CTNNA2: variants seen among roughly 807,000 people sequenced by gnomAD.
CTNNA2 encodes catenin alpha-2.
Under a neutral mutation model 101.0 loss-of-function variants are expected in CTNNA2, and 42 were observed. That is an observed-to-expected ratio of 0.42 (90% CI 0.32 to 0.54). The LOEUF (loss-of-function observed/expected upper bound fraction) is 0.54. Among genes scored for constraint, CTNNA2 ranks in the 20% least tolerant of loss-of-function variants. The probability of loss-of-function intolerance (pLI) is 0.14; values close to 1 mark genes in which losing one functional copy is unlikely to be tolerated. For missense variants in CTNNA2, 871 were observed against 1,223.1 expected (o/e 0.71, Z 4.29); for synonymous variants, 450 against 456.4 (o/e 0.99, Z 0.18).
intron 2 of CTNNA2, among the ~76,000 whole-genome samples, chr2:79,255,807 A>T (rs1674837513): frequency 2.6e-5 from 4 of 152,208 alleles, no homozygotes; most frequent in Admixed American, 2.6e-4. Context: ...GACAATTGAT[A>T]ACGTTCACAT....
In CTNNA2 at chr2:80,455,215, GAT is replaced by G. The variant is rs1267132874; in HGVS notation, c.1290+35618_1290+35619del. 3.3e-5 allele frequency among the ~76,000 whole-genome samples: 5 copies of G among 152,358 alleles called. No individual in the cohort carries two copies. The East Asian group carries it at 9.7e-4, about 29-fold the overall frequency. ...ATAAATGAAATTTTTAAAGTGCCATGATATAGTCAGTAGGCCTATGTCAAGAA... is the reference window on the plus strand; with the variant it reads ...ATAAATGAAATTTTTAAAGTGCCATGATAGTCAGTAGGCCTATGTCAAGAA... On this transcript the variant is annotated intron_variant, in intron 9 of 18. Transcript: ENST00000402739.
intron 16 of CTNNA2, among the ~76,000 whole-genome samples, chr2:80,604,715 G>A (rs1262899366): frequency 6.6e-6 from 1 of 151,976 alleles, no homozygotes; most frequent in East Asian, 1.9e-4. Context: ...GAATAAAGGA[G>A]AGAAAAGAGC....
chr2:80,440,822 C>A (rs1682494424), intron 9 of CTNNA2, among the ~76,000 whole-genome samples: 2 of 152,114 alleles, frequency 1.3e-5, no homozygotes, highest in African/African-American at 4.8e-5. Context: ...GTAAGTGGGG[C>A]AGAATAGACT....
At chr2:79,979,315 T>C (rs1397329194) in intron 7 of CTNNA2, among the ~76,000 whole-genome samples, 1 of 152,062 alleles carries the variant, frequency 6.6e-6, no homozygotes, top group Non-Finnish European at 1.5e-5. Context: ...CCCAGGAGTT[T>C]GAGGTTAGAG....
At chr2:80,162,529 C>T in intron 7 of CTNNA2, 2 of 1,603,336 alleles carry the variant, frequency 1.2e-6, no homozygotes, top group East Asian at 2.2e-5. Flanking sequence ...CATCATGATT[C>T]CTATCTTCAT....
At chr2:79,434,092 G>A (rs147674523) in intron 4 of CTNNA2, among the ~76,000 whole-genome samples, 17 of 152,060 alleles carry the variant, frequency 1.1e-4, no homozygotes, top group African/African-American at 4.1e-4. Flanking sequence ...CCAGGATTTC[G>A]AGACCAGCCT....
chr2:80,614,735 T>G (rs1698713259), intron 17 of CTNNA2, among the ~76,000 whole-genome samples: 1 of 151,470 alleles, frequency 6.6e-6, no homozygotes, highest in Non-Finnish European at 1.5e-5. Context: ...GAGAAGTGTC[T>G]TAAAAGCTAC....
intron 17 of CTNNA2, among the ~76,000 whole-genome samples, chr2:80,611,605 T>G (rs1698471758): frequency 6.6e-6 from 1 of 151,588 alleles, no homozygotes; most frequent in Non-Finnish European, 1.5e-5. Flanking sequence ...ATCAGCACCT[T>G]TAAAGTTAAA....
At chr2:79,986,366 C>A (rs1205975061) in intron 7 of CTNNA2, among the ~76,000 whole-genome samples, 1 of 152,162 alleles carries the variant, frequency 6.6e-6, no homozygotes, top group African/African-American at 2.4e-5. Context: ...ACTGCAAACT[C>A]TTGGCCCTAC....
chr2:80,123,529 T>C (rs1387141745), intron 7 of CTNNA2, among the ~76,000 whole-genome samples: 1 of 152,164 alleles, frequency 6.6e-6, no homozygotes, highest in Non-Finnish European at 1.5e-5. Flanking sequence ...ACAGGAATTT[T>C]CCAGAAACTG....
chr2:80,165,447 T>C (rs1704619040), intron 7 of CTNNA2, among the ~76,000 whole-genome samples: 1 of 152,204 alleles, frequency 6.6e-6, no homozygotes, highest in South Asian at 2.1e-4. Context: ...CTTCTACTTC[T>C]TTGTTGAAAT....
At chr2:80,422,423 C>T (rs1001896016) in intron 9 of CTNNA2, among the ~76,000 whole-genome samples, 1 of 131,298 alleles carries the variant, frequency 7.6e-6, no homozygotes, top group African/African-American at 2.9e-5. Context: ...TTCTTCTTTC[C>T]CAATACTTAT....
intron 2 of CTNNA2, among the ~76,000 whole-genome samples, chr2:79,256,921 TATG>T (rs1318960608): frequency 6.6e-6 from 1 of 150,800 alleles, no homozygotes; most frequent in Non-Finnish European, 1.5e-5. Flanking sequence ...TGTTAGTTGA[TATG>T]ATATTATTTT....
At chr2:79,607,648 A>G (rs1462009886) in intron 1 of CTNNA2, among the ~76,000 whole-genome samples, 3 of 152,104 alleles carry the variant, frequency 2.0e-5, no homozygotes, top group Non-Finnish European at 4.4e-5. Flanking sequence ...TTGGGTGGCA[A>G]ATAATATATT....
At chr2:79,300,443 AAAG>A (rs1676081830) in intron 2 of CTNNA2, among the ~76,000 whole-genome samples, 1 of 152,208 alleles carries the variant, frequency 6.6e-6, no homozygotes, top group African/African-American at 2.4e-5. Context: ...CAGAGACCCT[AAAG>A]AAGAAGTTAC....
intron 3 of CTNNA2, among the ~76,000 whole-genome samples, chr2:79,329,352 G>C (rs868233253): frequency 6.6e-6 from 1 of 152,114 alleles, no homozygotes; most frequent in Non-Finnish European, 1.5e-5. Flanking sequence ...CCTGCCAGCT[G>C]TAAATAACTC....
chr2:79,810,921 C>A (rs1676973861), intron 3 of CTNNA2, among the ~76,000 whole-genome samples: 1 of 151,596 alleles, frequency 6.6e-6, no homozygotes, highest in South Asian at 2.1e-4. Flanking sequence ...TTAATCCAGT[C>A]TATCATTGTT....
intron 7 of CTNNA2, among the ~76,000 whole-genome samples, chr2:80,281,403 G>C (rs2149160843): frequency 6.6e-6 from 1 of 152,254 alleles, no homozygotes; most frequent in South Asian, 2.1e-4. Flanking sequence ...GGGAGAACTT[G>C]AGAATAAGGG....
chr2:79,731,134 C>G (rs1027573834), intron 2 of CTNNA2, among the ~76,000 whole-genome samples: 1 of 151,894 alleles, frequency 6.6e-6, no homozygotes, highest in Non-Finnish European at 1.5e-5. Context: ...TAGAAATTTT[C>G]TTTGTTTCAA....
Sources: allele counts gnomAD v4.1 joint callset (sites outside exome capture counted in the v4.1 genomes callset), GRCh38; gene constraint gnomAD v4.1.1; transcripts MANE v1.5; gene names NCBI Gene and HGNC (gene_info 2026-07-23, HGNC 2026-07-21).